The following TM6SF1 variants were observed in gnomAD, a reference collection of about 807,000 sequenced individuals.
TM6SF1 encodes transmembrane 6 superfamily member 1.
Under a neutral mutation model 47.1 loss-of-function variants are expected in TM6SF1, and 43 were observed. The ratio of observed to expected loss-of-function variants is 0.91; its 90% CI spans 0.72 to 1.18. The LOEUF is 1.18. Ranked by LOEUF, TM6SF1 falls within the 50% of genes most tolerant of loss-of-function variation. The pLI is 0.00. For synonymous variants in TM6SF1, 177 were observed against 166.3 expected (o/e 1.06, Z -0.49); for missense variants, 390 against 449.0 (o/e 0.87, Z 1.19).
intron 7 of TM6SF1, among the ~76,000 whole-genome samples, chr15:83,125,266 C>CATG (rs1342483470): frequency 3.3e-5 from 5 of 152,164 alleles, no homozygotes; most frequent in African/African-American, 1.2e-4. Flanking sequence ...AAATTCATCT[C>CATG]ACGCCTGGAG....
intron 5 of TM6SF1, among the ~76,000 whole-genome samples, chr15:83,122,502 C>T (rs896331488): frequency 2.0e-5 from 3 of 152,084 alleles, no homozygotes; most frequent in Admixed American, 6.6e-5. Flanking sequence ...CTCTGTTGCC[C>T]AGGCTGGCTT....
Position 83,136,591 on chromosome 15 carries a change from T to C in TM6SF1, c.1032T>C (p.Val344=). 1.2e-6 allele frequency: 2 copies of C among 1,613,946 alleles called. No homozygotes were observed. Among genetic ancestry groups the C allele is most frequent in the Non-Finnish European group, 1.7e-6 (2 of 1,179,890 alleles). Residue 344 remains valine, a synonymous_variant, in exon 10 of 10, where the codon GTT becomes GTC. Coordinates refer to ENST00000322019, the MANE Select transcript of TM6SF1 (RefSeq NM_023003.5). ...TAGCATTAAACATAGCATATGGAGT[T>C]CTTCCTCAGCTCTTGGCCTATCGTT... ...LFLALNIAYG[V]LPQLLAYRCI... is the part of the protein sequence containing the mutation.
rs1596504256 is a variant in TM6SF1 at position 83,124,547 on chromosome 15, G to C, written c.604-125G>C. On this transcript the variant is annotated intron_variant, in intron 6 of 9. Transcript: ENST00000322019. ...ATTTTCCTAAAGTTCCATGGCCAGT[G>C]ATTTATGATATAAATTGTGCATCTT... The C allele has an allele frequency of 5.7e-6, 4 of 701,218 alleles. No homozygotes were observed. In the East Asian group the frequency reaches 1.1e-4, roughly 19 times the overall value. 43.4% of individuals were successfully genotyped at this position (701,218 alleles called of 1,614,324 possible).
chr15:83,107,735 G>C lies in TM6SF1; in HGVS notation c.55G>C (p.Val19Leu), dbSNP rs201297294. The C allele has an allele frequency of 6.3e-7, 1 of 1,584,116 alleles. No individual in the cohort carries two copies. Among genetic ancestry groups the C allele is most frequent in the Non-Finnish European group, 8.6e-7 (1 of 1,166,802 alleles). ...VFVLSLSAIP[V>L]TYVFNHLAAQ... The stretch of plus-strand genomic sequence containing the variant: ...CGTGCTGTCCCTCTCGGCCATCCCG[G>C]TCACCTATGTCTTCAACCACCTGGC... Residue 19 changes from valine (V) to leucine (L), a missense_variant, in exon 1 of 10, where the codon GTC (valine) becomes CTC (leucine). Val to Leu is a conservative substitution (Grantham distance 32). Transcript: ENST00000322019. The surrounding 1 kb of genome is among the most constrained non-coding windows in gnomAD (Gnocchi z 5.6).
chr15:83,113,255 G>C (rs768058473), intron 2 of TM6SF1: 22 of 342,468 alleles, frequency 6.4e-5, no homozygotes, highest in Non-Finnish European at 1.2e-4. Flanking sequence ...ACTTAGTGCA[G>C]AACTTAACTG....
In TM6SF1 at chr15:83,120,296, G is replaced by A. The variant is rs768500049; in HGVS notation, c.398+615G>A. 5.3e-5 allele frequency among the ~76,000 whole-genome samples: 8 copies of A among 152,230 alleles called. No individual in the cohort carries two copies. The East Asian group carries it at 5.8e-4, about 11-fold the overall frequency. ...TTCTTTAGAGACCCCAACCACAGGA[G>A]CTTCTGCATTGCACTAATCCCTGAA... On this transcript the variant is annotated intron_variant, in intron 4 of 9. Coordinates refer to ENST00000322019, the MANE Select transcript of TM6SF1 (RefSeq NM_023003.5).
In TM6SF1 at chr15:83,112,859, T is replaced by C; in HGVS notation, c.155T>C (p.Val52Ala). ...TTCCTGGTAGCACTGCTGGCTCGTG[T>C]CCTCGTCAAAAGAAAACCACCCCGG... ...ILFLVALLARVLVKRKPPRDP... is the reference protein window; with the variant it reads ...ILFLVALLARALVKRKPPRDP... Residue 52 changes from valine (V) to alanine (A), a missense_variant, in exon 2 of 10, where the codon GTC becomes GCC. Coordinates refer to ENST00000322019, the MANE Select transcript of TM6SF1 (RefSeq NM_023003.5). The C allele has an allele frequency of 6.2e-7, 1 of 1,614,158 alleles. No individual in the cohort carries two copies. Among genetic ancestry groups the C allele is most frequent in the Non-Finnish European group, 8.5e-7 (1 of 1,180,014 alleles).
chr15:83,126,853 G>A lies in TM6SF1; in HGVS notation c.801+6G>A, dbSNP rs2035797002. 6.2e-7 allele frequency: 1 copy of A among 1,603,354 alleles called. No individual in the cohort carries two copies. Among genetic ancestry groups the A allele is most frequent in the Non-Finnish European group, 8.5e-7 (1 of 1,173,456 alleles). On this transcript the variant is annotated splice_donor_region_variant and intron_variant, in intron 8 of 9. Transcript: ENST00000322019. ...CTGCTTATCCTAAAATTCAGGTCAAGTAGTTATGAAGCCTAAGATTTTTCT... is the reference window on the plus strand; with the variant it reads ...CTGCTTATCCTAAAATTCAGGTCAAATAGTTATGAAGCCTAAGATTTTTCT...
intron 6 of TM6SF1, among the ~76,000 whole-genome samples, chr15:83,123,230 TC>T (rs1157575254): frequency 2.0e-5 from 3 of 152,128 alleles, no homozygotes. Flanking sequence ...ACACCTGGGT[TC>T]CTCTGTGACA....
At chr15:83,118,197 C>T (rs1442992745) in intron 3 of TM6SF1, among the ~76,000 whole-genome samples, 1 of 150,988 alleles carries the variant, frequency 6.6e-6, no homozygotes, top group Non-Finnish European at 1.5e-5. Flanking sequence ...GCACTCTAGA[C>T]CGGGTGACAG....
intron 8 of TM6SF1, 86 bp downstream of exon 8, chr15:83,126,933 C>T (rs2035810774): frequency 4.7e-6 from 5 of 1,055,114 alleles, no homozygotes; most frequent in Non-Finnish European, 7.0e-6. Flanking sequence ...TGGCTCACGC[C>T]TGTAATCCCA....
intron 7 of TM6SF1, 77 bp downstream of exon 7, chr15:83,124,853 GT>G: frequency 5.4e-6 from 7 of 1,308,164 alleles, no homozygotes; most frequent in Admixed American, 1.8e-5. Flanking sequence ...TTAGAAATAT[GT>G]TTTTGTTTTT....
At position 83,124,730 on chromosome 15, in the gene TM6SF1, T is replaced by C. The variant is rs768628450; in HGVS notation, c.662T>C (p.Val221Ala). Reference protein sequence around the residue: ...LLRRPFDLMLVVCLLLATGFC... With the variant: ...LLRRPFDLMLAVCLLLATGFC... ...AGAAGACCATTTGATTTAATGTTGGTTGTGTGTCTCCTCCTGGCAACTGGA... is the reference window on the plus strand; with the variant it reads ...AGAAGACCATTTGATTTAATGTTGGCTGTGTGTCTCCTCCTGGCAACTGGA... The change falls in exon 7 of 10, where the codon GTT (valine) becomes GCT (alanine). Residue 221 changes from valine (V) to alanine (A), a missense_variant. Coordinates refer to ENST00000322019, the MANE Select transcript of TM6SF1 (RefSeq NM_023003.5). The C allele has an allele frequency of 8.1e-6, 13 of 1,614,150 alleles. No individual in the cohort carries two copies. In the South Asian group the frequency reaches 1.2e-4, roughly 15 times the overall value.
rs1320077462 is a variant in TM6SF1, at chr15:83,122,737, T to C, written c.482-20T>C. Reference sequence around the variant, plus strand: ...AGATATGCTTTTGGTAACTTCTTTCTCTTTCTCTCTTTTAAATAGGGAAGT... The same window carrying C: ...AGATATGCTTTTGGTAACTTCTTTCCCTTTCTCTCTTTTAAATAGGGAAGT... On this transcript the variant is annotated intron_variant, in intron 5 of 9. Transcript: ENST00000322019. 1.9e-6 allele frequency: 3 copies of C among 1,610,318 alleles called. No homozygotes were observed. The highest frequency in any genetic ancestry group is 2.2e-5 in the East Asian group (1 of 44,840).
At chr15:83,109,035 T>C (rs1194957767) in intron 1 of TM6SF1, among the ~76,000 whole-genome samples, 1 of 152,240 alleles carries the variant, frequency 6.6e-6, no homozygotes, top group Non-Finnish European at 1.5e-5. Flanking sequence ...ACTGTGTGTT[T>C]GGCACTGTTC....
rs1476727424 is a variant in TM6SF1 at position 83,122,886 on chromosome 15, TATTAA to T, written c.603+9_603+13del. 1.2e-6 allele frequency: 2 copies of T among 1,613,714 alleles called. No individual in the cohort carries two copies. Among genetic ancestry groups the T allele is most frequent in the Non-Finnish European group, 1.7e-6 (2 of 1,179,928 alleles). On this transcript the variant is annotated intron_variant, in intron 6 of 9. Coordinates refer to ENST00000322019, the MANE Select transcript of TM6SF1 (RefSeq NM_023003.5). ...TATAATTACCCCTCAAAGGTGATTT[TATTAA>T]GCTTTGATGTACCCTGTTCTCAAAC...
intron 4 of TM6SF1, among the ~76,000 whole-genome samples, chr15:83,120,330 C>T (rs192507625): frequency 1.2e-4 from 19 of 152,350 alleles, no homozygotes; most frequent in African/African-American, 4.3e-4. Flanking sequence ...AAGTGAACGA[C>T]GTGCTCTTGG....
chr15:83,126,870 G>T (rs2035800725), intron 8 of TM6SF1, 23 bp downstream of exon 8: 1 of 1,571,922 alleles, frequency 6.4e-7, no homozygotes, highest in African/African-American at 1.4e-5. Flanking sequence ...TGAAGCCTAA[G>T]ATTTTTCTAA....
intron 7 of TM6SF1, among the ~76,000 whole-genome samples, chr15:83,125,350 T>C (rs1354024652): frequency 6.6e-6 from 1 of 152,102 alleles, no homozygotes; most frequent in Non-Finnish European, 1.5e-5. Context: ...TCTTTATTAA[T>C]ATTTTACTGC....
Sources: gnomAD v4.1 joint callset for allele counts (sites outside exome capture counted in the v4.1 genomes callset) on GRCh38, gnomAD v4.1.1 for gene constraint, Gnocchi (gnomAD v3.1) non-coding constraint, MANE v1.5 for transcripts, NCBI Gene and HGNC (gene_info 2026-07-23, HGNC 2026-07-21) for gene names.